CHD9: variants seen among roughly 807,000 people sequenced by gnomAD.
The protein encoded by CHD9 is ATP-dependent chromatin remodeler CHD9.
Under a neutral mutation model 316.1 loss-of-function variants are expected in CHD9, and 77 were observed. The ratio of observed to expected loss-of-function variants is 0.24; its 90% CI spans 0.20 to 0.29. The LOEUF is 0.29. Ranked by LOEUF, CHD9 falls within the 10% of genes least tolerant of loss-of-function variation. The pLI, the probability that CHD9 is intolerant of heterozygous loss-of-function variation, is 1.00. For synonymous variants in CHD9, 1,129 were observed against 1,158.3 expected, an observed-to-expected ratio of 0.97 and a Z score of 0.51; for missense variants, 2,763 against 3,438.1, an observed-to-expected ratio of 0.80 and a Z score of 4.91.
At chr16:53,066,282 G>A (rs2033500057) in intron 1 of CHD9, among the ~76,000 whole-genome samples, 1 of 152,170 alleles carries the variant, frequency 6.6e-6, no homozygotes, top group Admixed American at 6.5e-5. Flanking sequence ...GGGTACAAAG[G>A]AAAGCAGCAA....
chr16:53,124,760 G>T (rs1370550845), intron 1 of CHD9, among the ~76,000 whole-genome samples: 1 of 152,010 alleles, frequency 6.6e-6, no homozygotes, highest in African/African-American at 2.4e-5. Flanking sequence ...GATTACAGGT[G>T]TGAGCCACCA....
chr16:53,274,169 G>C (rs765512679), intron 23 of CHD9, 44 bp from the exon 24 acceptor site: 2 of 1,214,398 alleles, frequency 1.6e-6, no homozygotes, highest in South Asian at 2.6e-5. Context: ...TATTTTAAAC[G>C]ATGAATGTCT....
intron 1 of CHD9, among the ~76,000 whole-genome samples, chr16:53,064,859 C>G (rs1220203879): frequency 6.6e-6 from 1 of 152,052 alleles, no homozygotes; most frequent in Non-Finnish European, 1.5e-5. Context: ...ATCACAGCTA[C>G]TTGGGAGGCT....
rs1322018173 is a variant in CHD9, at chr16:53,227,570, A to G, written c.2135A>G (p.Asp712Gly). 1 of 1,395,678 alleles carries G rather than the reference A, an allele frequency of 7.2e-7. No homozygotes were observed. The highest frequency in any genetic ancestry group is 9.6e-7 in the Non-Finnish European group (1 of 1,045,090). The allele number at this position is 1,395,678 out of a possible 1,614,324, so 86.5% of individuals were successfully genotyped here. Residue 712 changes from aspartate (D) to glycine (G), a missense_variant, in exon 7 of 39, where the codon GAT becomes GGT. By Grantham distance (94) the Asp-to-Gly change is moderately conservative. Coordinates refer to ENST00000447540, the MANE Select transcript of CHD9 (RefSeq NM_001308319.2). Reference sequence around the variant, plus strand: ...TAGATATCACCTGGAGTGATGATTGATACAGAAGAATTTTTTGTAAAATAC... The same window carrying G: ...TAGATATCACCTGGAGTGATGATTGGTACAGAAGAATTTTTTGTAAAATAC... ...KKEISPGVMI[D>G]TEEFFVKYKN...
chr16:53,318,550 T>A (rs920491014), intron 37 of CHD9, among the ~76,000 whole-genome samples: 1 of 152,236 alleles, frequency 6.6e-6, no homozygotes, highest in African/African-American at 2.4e-5. Flanking sequence ...AAATAAGTCA[T>A]TTAACACATC....
chr16:53,091,738 T>C (rs915368003), intron 1 of CHD9, among the ~76,000 whole-genome samples: 4 of 152,206 alleles, frequency 2.6e-5, no homozygotes, highest in Admixed American at 2.0e-4. Context: ...GAGTGCCTGG[T>C]GGGCAGCATC....
At chr16:53,267,524 G>T (rs746058144) in intron 21 of CHD9, 34 bp downstream of exon 21, 1 of 1,433,138 alleles carries the variant, frequency 7.0e-7, no homozygotes, top group South Asian at 1.3e-5. Flanking sequence ...GCTCTAAGTA[G>T]TCTGGTATGT....
In CHD9 at chr16:53,308,828, A is replaced by G. The variant is rs200884680; in HGVS notation, c.7196A>G (p.Asn2399Ser). 62 of 1,613,692 alleles carry G rather than the reference A, an allele frequency of 3.8e-5. No homozygotes were observed. The Admixed American group carries it at 5.7e-4, about 15-fold the overall frequency. Residue 2399 changes from asparagine (N) to serine (S), a missense_variant, in exon 34 of 39, where the codon AAT (asparagine) becomes AGT (serine). By Grantham distance (46) the Asn-to-Ser change is conservative (BLOSUM62 1). Coordinates refer to ENST00000447540, the MANE Select transcript of CHD9 (RefSeq NM_001308319.2). Reference sequence around the variant, plus strand: ...AGTGCATCAGAGACCAGCCTCGTCAATTTCCCAAAATCCATACCAGTATCA... The same window carrying G: ...AGTGCATCAGAGACCAGCCTCGTCAGTTTCCCAAAATCCATACCAGTATCA... ...LQSASETSLVNFPKSIPVSGT... is the reference protein window; with the variant it reads ...LQSASETSLVSFPKSIPVSGT...
chr16:53,187,793 G>A (rs1008389410), intron 2 of CHD9, among the ~76,000 whole-genome samples: 10 of 152,150 alleles, frequency 6.6e-5, no homozygotes, highest in Non-Finnish European at 1.2e-4. Context: ...GTATATTATG[G>A]AGGAACAGGA....
Position 53,312,349 on chromosome 16 carries a change from G to A in CHD9, c.7223-2028G>A, listed in dbSNP as rs201533631. ...ACACAGAACATTATAGTTAATAAAC[G>A]TTGGAAAAGAGGAAAGTCATTGCTT... On this transcript the variant is annotated intron_variant, in intron 34 of 38. Coordinates refer to ENST00000447540, the MANE Select transcript of CHD9 (RefSeq NM_001308319.2). 3.9e-5 allele frequency among the ~76,000 whole-genome samples: 6 copies of A among 152,244 alleles called. No homozygotes were observed. In the East Asian group the frequency reaches 9.6e-4, roughly 24 times the overall value.
intron 1 of CHD9, among the ~76,000 whole-genome samples, chr16:53,140,053 C>T (rs567957274): frequency 2.0e-5 from 3 of 151,576 alleles, no homozygotes; most frequent in South Asian, 2.1e-4. Flanking sequence ...GAACTGAGAT[C>T]GACCACTACA....
rs1031981519 is a variant in CHD9 at position 53,319,863 on chromosome 16, C to T, written c.7713+1523C>T. ...GAAAAGAATCTACCTGCTAAATCCC[C>T]ATAAACCCCCAAGAGGGCCTCCATT... On this transcript the variant is annotated intron_variant, in intron 37 of 38. Coordinates refer to ENST00000447540, the MANE Select transcript of CHD9 (RefSeq NM_001308319.2). 8.9e-6 allele frequency: 11 copies of T among 1,241,504 alleles called. No individual in the cohort carries two copies. The African/African-American group carries it at 1.6e-4, about 18-fold the overall frequency. 76.9% of individuals were successfully genotyped at this position (1,241,504 alleles called of 1,614,324 possible). A position where few individuals can be genotyped will look rare whatever the true frequency, so the allele number is the denominator to read the frequency against.
chr16:53,217,450 C>T (rs924425099), intron 3 of CHD9, among the ~76,000 whole-genome samples: 15 of 152,110 alleles, frequency 9.9e-5, no homozygotes, highest in African/African-American at 3.4e-4. Flanking sequence ...GATGGGGTTT[C>T]GCCATGTTGG....
intron 1 of CHD9, among the ~76,000 whole-genome samples, chr16:53,151,728 C>T (rs755660284): frequency 1.1e-4 from 17 of 152,074 alleles, no homozygotes; most frequent in Non-Finnish European, 2.1e-4. Flanking sequence ...TCTAGAATTT[C>T]TATTTTGTTA....
chr16:53,233,050 T>G (rs1368411118), intron 10 of CHD9, among the ~76,000 whole-genome samples: 1 of 152,204 alleles, frequency 6.6e-6, no homozygotes, highest in East Asian at 1.9e-4. Context: ...GGATGCCAGC[T>G]GGCTGTCCTC....
rs1018859994 is a variant in CHD9, at chr16:53,229,152, G to A, written c.2286+52G>A. On this transcript the variant is annotated intron_variant, in intron 8 of 38. Transcript: ENST00000447540. ...ATGTGTTGGTCTCTGAATACATGTA[G>A]CATTATTTATCAAAAATTACACATT... 1.7e-5 allele frequency: 14 copies of A among 838,838 alleles called. No homozygotes were observed. The African/African-American group carries it at 2.1e-4, about 12-fold the overall frequency. The allele number at this position is 838,838 out of a possible 1,614,324, so 52.0% of individuals were successfully genotyped here.
intron 22 of CHD9, among the ~76,000 whole-genome samples, chr16:53,269,017 G>A (rs1463239161): frequency 1.3e-5 from 2 of 151,984 alleles, no homozygotes; most frequent in Non-Finnish European, 2.9e-5. Flanking sequence ...ATGTTGCCCA[G>A]GCTGGTCTTG....
At chr16:53,273,885 G>A (rs2052536928) in intron 23 of CHD9, 100 bp downstream of exon 23, 17 of 1,057,906 alleles carry the variant, frequency 1.6e-5, no homozygotes, top group Non-Finnish European at 2.4e-5. Context: ...GAGACAGCAT[G>A]GTCTAGGGCC....
In CHD9 at chr16:53,267,346, G is replaced by A. The variant is rs2051799150; in HGVS notation, c.4373G>A (p.Ser1458Asn). ...PRIRKQTRPF[S>N]ATKDELAELS... ...ATTAGGAAGCAAACAAGACCTTTTA[G>A]TGCCACAAAAGATGAATTGGCTGAA... Residue 1458 changes from serine to asparagine, a missense_variant, in exon 21 of 39, where the codon AGT becomes AAT. Coordinates refer to ENST00000447540, the MANE Select transcript of CHD9 (RefSeq NM_001308319.2). The A allele has an allele frequency of 6.2e-7, 1 of 1,612,450 alleles. No individual in the cohort carries two copies. The highest frequency in any genetic ancestry group is 2.2e-5 in the East Asian group (1 of 44,810).
Sources: gnomAD v4.1 joint callset for allele counts (sites outside exome capture counted in the v4.1 genomes callset) on GRCh38, gnomAD v4.1.1 for gene constraint, MANE v1.5 for transcripts, NCBI Gene and HGNC (gene_info 2026-07-23, HGNC 2026-07-21) for gene names.